SRRM3: variants seen among roughly 807,000 people sequenced by gnomAD.
SRRM3 encodes the protein serine/arginine repetitive matrix protein 3.
Under a neutral mutation model 66.2 loss-of-function variants are expected in SRRM3, and 27 were observed. The ratio of observed to expected loss-of-function variants is 0.41; its 90% CI spans 0.30 to 0.56. The LOEUF is 0.56. SRRM3 is among the 20% of genes least tolerant of loss of function. The pLI is 0.32. For synonymous variants in SRRM3, 391 were observed against 414.9 expected, an observed-to-expected ratio of 0.94 and a Z score of 0.70; for missense variants, 918 against 991.9, an observed-to-expected ratio of 0.93 and a Z score of 1.00.
chr7:76,266,252 T>TATTTAATATATATATAAATATTTATAC (rs1563635024), intron 10 of SRRM3, among the ~76,000 whole-genome samples: 27 of 121,892 alleles, frequency 2.2e-4, no homozygotes, highest in Non-Finnish European at 3.1e-4. Flanking sequence ...AATATTTATA[T>TATTTAATATATATATAAATATTTATAC]ATTTAATATA....
intron 12 of SRRM3, 102 bp downstream of exon 12, chr7:76,281,904 T>G: frequency 2.2e-6 from 2 of 907,458 alleles, no homozygotes; most frequent in East Asian, 8.7e-5. Flanking sequence ...CGCGCTGAGC[T>G]ACCCTCCAGG....
chr7:76,220,111 C>T (rs1029329444), intron 1 of SRRM3, among the ~76,000 whole-genome samples: 10 of 152,162 alleles, frequency 6.6e-5, no homozygotes, highest in Non-Finnish European at 1.5e-4. Flanking sequence ...CAAACACAGG[C>T]GGGGTCTCAG....
chr7:76,235,376 T>G, intron 2 of SRRM3, 77 bp downstream of exon 2: 6 of 1,206,128 alleles, frequency 5.0e-6, no homozygotes, highest in East Asian at 2.9e-5. Context: ...ATGCTGCACG[T>G]GGGCGTGGCG....
intron 1 of SRRM3, among the ~76,000 whole-genome samples, chr7:76,213,333 G>T (rs1359175379): frequency 6.6e-6 from 1 of 152,036 alleles, no homozygotes; most frequent in Non-Finnish European, 1.5e-5. Context: ...CACACTGGTG[G>T]TTTACCTTTC....
chr7:76,271,222 A>G (rs2117087703), intron 11 of SRRM3, among the ~76,000 whole-genome samples: 1 of 140,594 alleles, frequency 7.1e-6, no homozygotes, highest in Non-Finnish European at 1.6e-5. Flanking sequence ...TAATCCCAGC[A>G]CTTTGGGAGG....
intron 1 of SRRM3, among the ~76,000 whole-genome samples, chr7:76,205,216 T>C (rs1380287682): frequency 1.3e-5 from 2 of 151,984 alleles, no homozygotes; most frequent in East Asian, 3.9e-4. Flanking sequence ...CTCTTTTGTT[T>C]TGTTTTCTTT....
At chr7:76,210,828 A>G (rs1800414474) in intron 1 of SRRM3, among the ~76,000 whole-genome samples, 2 of 150,952 alleles carry the variant, frequency 1.3e-5, no homozygotes, top group East Asian at 2.0e-4. Context: ...TTTGAGATGG[A>G]GTCTCACACT....
chr7:76,248,428 GGA>G (rs1801495315), intron 3 of SRRM3, 139 bp downstream of exon 3: 1 of 637,622 alleles, frequency 1.6e-6, no homozygotes, highest in African/African-American at 1.8e-5. Flanking sequence ...ATAAGGAGAA[GGA>G]GAGGAGAGCA....
intron 3 of SRRM3, among the ~76,000 whole-genome samples, chr7:76,256,549 G>A (rs1428295490): frequency 1.3e-5 from 2 of 151,634 alleles, no homozygotes; most frequent in Non-Finnish European, 2.9e-5. Context: ...GAGCAGCCCC[G>A]AGGGCTGCTG....
Position 76,261,365 on chromosome 7 carries a change from T to G in SRRM3, c.589T>G (p.Ser197Ala). 6.6e-7 allele frequency: 1 copy of G among 1,507,476 alleles called. No individual in the cohort carries two copies. Among genetic ancestry groups the G allele is most frequent in the Non-Finnish European group, 8.9e-7 (1 of 1,125,722 alleles). 93.4% of individuals were successfully genotyped at this position (1,507,476 alleles called of 1,614,324 possible). ...CTGTGTCCACAGCTGTGGGAGCTCC[T>G]CACCCCTCCGCAAGAAGAAGAAGAG... ...LESECSCGSS[S>A]PLRKKKKSVK... The change falls in exon 7 of 15, where the codon TCA (serine) becomes GCA (alanine). Residue 197 changes from serine (S) to alanine (A), a missense_variant. By Grantham distance (99) the Ser-to-Ala change is moderately conservative. Transcript: ENST00000611745.
At chr7:76,209,598 G>C (rs1554601524) in intron 1 of SRRM3, among the ~76,000 whole-genome samples, 3 of 143,448 alleles carry the variant, frequency 2.1e-5, no homozygotes. Context: ...GCCTTGAAGA[G>C]TTGGAATTTT....
In SRRM3 at chr7:76,285,618, C is replaced by T. The variant is rs938052732; in HGVS notation, c.1737C>T (p.Ala579=). 28 of 1,548,586 alleles carry T rather than the reference C, an allele frequency of 1.8e-5. No individual in the cohort carries two copies. Among genetic ancestry groups the T allele is most frequent in the Middle Eastern group, 2.0e-4 (1 of 5,058 alleles). The change falls in exon 15 of 15, where the codon GCC becomes GCT. Residue 579 remains alanine (A), a synonymous_variant. Coordinates refer to ENST00000611745, the MANE Select transcript of SRRM3 (RefSeq NM_001110199.3). The surrounding 1 kb of genome is among the most constrained non-coding windows in gnomAD (Gnocchi z 4.1). ...ATCAGCTTTTTCTTCCCGGCAGCGC[C>T]CGCAAGCGTCCTATTCCATACTACC... The part of the protein sequence containing the change: ...SFMEPRRITS[A]RKRPIPYYRP...
intron 11 of SRRM3, among the ~76,000 whole-genome samples, chr7:76,280,116 TAA>T (rs567656342): frequency 7.6e-5 from 9 of 118,328 alleles, no homozygotes; most frequent in Non-Finnish European, 1.1e-4. Context: ...AATCAGAACT[TAA>T]AAAAAAAAAA....
At position 76,282,671 on chromosome 7, in the gene SRRM3, C is replaced by G; in HGVS notation, c.1394C>G (p.Ala465Gly). 1 of 1,404,462 alleles carries G rather than the reference C, an allele frequency of 7.1e-7. No homozygotes were observed. The highest frequency in any genetic ancestry group is 9.2e-7 in the Non-Finnish European group (1 of 1,086,604). The allele number at this position is 1,404,462 out of a possible 1,614,324, so 87.0% of individuals were successfully genotyped here. The change falls in exon 13 of 15, where the codon GCG (alanine) becomes GGG (glycine). Residue 465 changes from alanine (A) to glycine (G), a missense_variant. Transcript: ENST00000611745. ...GKRAKERPPRARPASTSPSPG... is the reference protein window; with the variant it reads ...GKRAKERPPRGRPASTSPSPG... ...AGGGCCAAGGAGCGGCCCCCGCGCG[C>G]GCGGCCCGCCAGCACCTCTCCGTCC... is the stretch of plus-strand genomic sequence containing the variant.
At chr7:76,248,833 A>G (rs1223528785) in intron 3 of SRRM3, among the ~76,000 whole-genome samples, 1 of 152,048 alleles carries the variant, frequency 6.6e-6, no homozygotes, top group African/African-American at 2.4e-5. Context: ...TAGAAAAGTT[A>G]TCCGGGCATA....
intron 10 of SRRM3, among the ~76,000 whole-genome samples, chr7:76,266,215 T>C (rs1298204957): frequency 1.1e-5 from 1 of 90,964 alleles, no homozygotes; most frequent in South Asian, 2.9e-4. Context: ...TTAATATATA[T>C]AAATATTTAT....
intron 14 of SRRM3, chr7:76,283,435 C>A: frequency 2.0e-6 from 1 of 504,118 alleles, no homozygotes; most frequent in South Asian, 1.7e-5. Flanking sequence ...TTCAGCTCTG[C>A]AAGAGTCCCG....
At chr7:76,246,500 G>T (rs1391050960) in intron 2 of SRRM3, among the ~76,000 whole-genome samples, 1 of 152,018 alleles carries the variant, frequency 6.6e-6, no homozygotes, top group Non-Finnish European at 1.5e-5. Context: ...GGAGGTGGAG[G>T]TTGCAGTGAG....
chr7:76,245,194 A>T (rs1038962727), intron 2 of SRRM3, among the ~76,000 whole-genome samples: 4 of 152,214 alleles, frequency 2.6e-5, no homozygotes, highest in Admixed American at 2.6e-4. Flanking sequence ...GAGTCAAAGC[A>T]TGTGTTCATT....
Sources: gnomAD v4.1 joint callset for allele counts (sites outside exome capture counted in the v4.1 genomes callset) on GRCh38, gnomAD v4.1.1 for gene constraint, Gnocchi (gnomAD v3.1) non-coding constraint, MANE v1.5 for transcripts, NCBI Gene and HGNC (gene_info 2026-07-23, HGNC 2026-07-21) for gene names.